The following LYPLAL1 variants were observed in gnomAD, a reference collection of about 807,000 sequenced individuals.
LYPLAL1 encodes lysophospholipase like 1.
LYPLAL1 carries 23 observed loss-of-function variants against 19.7 expected under a neutral mutation model. That is an observed-to-expected ratio of 1.17 (90% confidence interval 0.84 to 1.65). The LOEUF (loss-of-function observed/expected upper bound fraction) is 1.65. Among genes scored for constraint, LYPLAL1 ranks in the 40% most tolerant of loss-of-function variants. The pLI, the probability that LYPLAL1 is intolerant of heterozygous loss-of-function variation, is 0.00. For synonymous variants in LYPLAL1, 119 were observed against 96.3 expected (o/e 1.24, Z -1.38); for missense variants, 355 against 279.4 (o/e 1.27, Z -1.93).
At chr1:219,250,623 A>G in the LYPLAL1 span, among the ~76,000 whole-genome samples, 9 of 152,016 alleles carry the variant, frequency 5.9e-5, no homozygotes, top group Admixed American at 5.3e-4. Context: ...TGTCCCTGCA[A>G]AAGACATGAT....
chr1:219,285,635 A>G, the LYPLAL1 span, among the ~76,000 whole-genome samples: 1 of 152,354 alleles, frequency 6.6e-6, no homozygotes, highest in African/African-American at 2.4e-5. Flanking sequence ...CACATATTGT[A>G]TGATTCCATT....
Position 219,211,531 on chromosome 1 carries a change from C to G in LYPLAL1, c.517C>G (p.Gln173Glu). ...TAATGGTGTACTTCCTGAATTATTTCAGTGTCATGGTACTGCAGATGAGTT... is the reference window on the plus strand; with the variant it reads ...TAATGGTGTACTTCCTGAATTATTTGAGTGTCATGGTACTGCAGATGAGTT... Reference protein sequence around the residue: ...KSNGVLPELFQCHGTADELVL... With the variant: ...KSNGVLPELFECHGTADELVL... Residue 173 changes from glutamine (Q) to glutamate (E), a missense_variant, in exon 5 of 5, where the codon CAG becomes GAG. Gln to Glu is a conservative substitution (Grantham distance 29). Transcript: ENST00000366928. The G allele has an allele frequency of 2.5e-6, 4 of 1,612,470 alleles. No homozygotes were observed. Among genetic ancestry groups the G allele is most frequent in the Non-Finnish European group, 3.4e-6 (4 of 1,178,914 alleles).
chr1:219,325,067 A>C, the LYPLAL1 span, among the ~76,000 whole-genome samples: 2 of 152,192 alleles, frequency 1.3e-5, no homozygotes, highest in African/African-American at 2.4e-5. Context: ...GTTTTCAAAA[A>C]AACATATGGG....
At chr1:219,328,783 G>A in the LYPLAL1 span, among the ~76,000 whole-genome samples, 32 of 152,158 alleles carry the variant, frequency 2.1e-4, no homozygotes, top group African/African-American at 7.2e-4. Context: ...GTCATCATTT[G>A]CCAACACAAA....
At chr1:219,426,418 G>A in the LYPLAL1 span, among the ~76,000 whole-genome samples, 1 of 152,144 alleles carries the variant, frequency 6.6e-6, no homozygotes, top group East Asian at 1.9e-4. Flanking sequence ...GTATGACTGA[G>A]ATTTTGCTTC....
chr1:219,279,509 C>T, the LYPLAL1 span, among the ~76,000 whole-genome samples: 1 of 152,110 alleles, frequency 6.6e-6, no homozygotes, highest in African/African-American at 2.4e-5. Flanking sequence ...TGTGTGTTTT[C>T]TGAGTCATCT....
the LYPLAL1 span, among the ~76,000 whole-genome samples, chr1:219,256,873 C>A: frequency 6.6e-6 from 1 of 152,006 alleles, no homozygotes; most frequent in African/African-American, 2.4e-5. Flanking sequence ...TTCTGGCTAT[C>A]TTTTTTTGTG....
chr1:219,352,324 A>G, the LYPLAL1 span, among the ~76,000 whole-genome samples: 1 of 152,086 alleles, frequency 6.6e-6, no homozygotes, highest in South Asian at 2.1e-4. Context: ...AGGTCAGGAG[A>G]TCGAGACCAC....
chr1:219,348,071 T>G, the LYPLAL1 span, among the ~76,000 whole-genome samples: 1 of 152,226 alleles, frequency 6.6e-6, no homozygotes, highest in Non-Finnish European at 1.5e-5. Flanking sequence ...GATCCAGCAG[T>G]GAGCACTGCT....
the LYPLAL1 span, among the ~76,000 whole-genome samples, chr1:219,281,014 A>G: frequency 6.6e-6 from 1 of 152,226 alleles, no homozygotes; most frequent in Non-Finnish European, 1.5e-5. Flanking sequence ...GCACCACTGC[A>G]TTCCAGCCTG....
the LYPLAL1 span, among the ~76,000 whole-genome samples, chr1:219,238,655 T>C: frequency 1.3e-5 from 2 of 152,148 alleles, no homozygotes; most frequent in African/African-American, 4.8e-5. Flanking sequence ...GCAGACTTTG[T>C]ACATACTCTC....
chr1:219,246,343 T>A, the LYPLAL1 span, among the ~76,000 whole-genome samples: 2 of 152,154 alleles, frequency 1.3e-5, no homozygotes, highest in African/African-American at 4.8e-5. Context: ...GACTTAGACT[T>A]CATTAACATA....
At chr1:219,287,024 G>C in the LYPLAL1 span, among the ~76,000 whole-genome samples, 1 of 152,158 alleles carries the variant, frequency 6.6e-6, no homozygotes, top group African/African-American at 2.4e-5. Flanking sequence ...TGGCAGGATG[G>C]AGTAACAATA....
the LYPLAL1 span, among the ~76,000 whole-genome samples, chr1:219,280,973 C>T: frequency 6.6e-6 from 1 of 152,138 alleles, no homozygotes; most frequent in African/African-American, 2.4e-5. Flanking sequence ...CACTTGAACC[C>T]AGGAGGCAGA....
chr1:219,244,180 C>T, the LYPLAL1 span, among the ~76,000 whole-genome samples: 1 of 152,046 alleles, frequency 6.6e-6, no homozygotes, highest in African/African-American at 2.4e-5. Context: ...TATTAAGTGA[C>T]CTTCACGATG....
chr1:219,275,510 A>C, the LYPLAL1 span, among the ~76,000 whole-genome samples: 3 of 152,114 alleles, frequency 2.0e-5, no homozygotes, highest in Non-Finnish European at 4.4e-5. Flanking sequence ...CTTCTCATCA[A>C]ATTTTAAGTT....
the LYPLAL1 span, among the ~76,000 whole-genome samples, chr1:219,235,780 C>T: frequency 1.1e-4 from 16 of 152,252 alleles, no homozygotes; most frequent in Non-Finnish European, 2.4e-4. Flanking sequence ...ACATGAATTT[C>T]CAGCATTTAA....
the LYPLAL1 span, among the ~76,000 whole-genome samples, chr1:219,236,620 A>G: frequency 6.6e-6 from 1 of 152,242 alleles, no homozygotes. Context: ...ATATTTTCAT[A>G]TACCTCTGAG....
the LYPLAL1 span, among the ~76,000 whole-genome samples, chr1:219,322,666 A>G: frequency 6.6e-6 from 1 of 152,154 alleles, no homozygotes; most frequent in African/African-American, 2.4e-5. Context: ...TCTGAGCTTA[A>G]ATTGTGCGAT....
Sources: gnomAD v4.1 joint callset for allele counts (sites outside exome capture counted in the v4.1 genomes callset) on GRCh38, gnomAD v4.1.1 for gene constraint, MANE v1.5 for transcripts, NCBI Gene and HGNC (gene_info 2026-07-23, HGNC 2026-07-21) for gene names.